WEE2: variants seen among roughly 807,000 people sequenced by gnomAD.
The protein encoded by WEE2 is WEE2 oocyte meiosis inhibiting kinase, also known as wee1-like protein kinase 2.
Under a neutral mutation model 60.1 loss-of-function variants are expected in WEE2, and 50 were observed. That is an observed-to-expected ratio of 0.83 (90% CI 0.66 to 1.05). The LOEUF is 1.05. WEE2 is among the 50% of genes least tolerant of loss of function. The pLI is 0.00. For synonymous variants in WEE2, 240 were observed against 241.0 expected (o/e 1.00, Z 0.04); for missense variants, 631 against 684.3 (o/e 0.92, Z 0.87).
chr7:141,712,257 T>TG (rs1307907360), intron 1 of WEE2, among the ~76,000 whole-genome samples: 1 of 152,190 alleles, frequency 6.6e-6, no homozygotes, highest in Non-Finnish European at 1.5e-5. Flanking sequence ...TCATGTTGAC[T>TG]GGGCCTTTAA....
chr7:141,718,997 C>T, intron 3 of WEE2, 75 bp from the exon 4 acceptor site: 1 of 1,458,654 alleles, frequency 6.9e-7, no homozygotes, highest in Non-Finnish European at 9.4e-7. Context: ...CAACTTAGGA[C>T]TGTAATACTG....
chr7:141,729,434 C>A (rs1043263218), intron 10 of WEE2, 97 bp from the exon 11 acceptor site: 1 of 1,539,250 alleles, frequency 6.5e-7, no homozygotes, highest in Admixed American at 1.7e-5. Flanking sequence ...TCTGTAAATA[C>A]TGAAACAAGA....
chr7:141,722,900 T>C (rs1042491333), intron 5 of WEE2, among the ~76,000 whole-genome samples: 1 of 152,222 alleles, frequency 6.6e-6, no homozygotes, highest in African/African-American at 2.4e-5. Flanking sequence ...GGGCAGATAT[T>C]ATGCTTTGTA....
chr7:141,727,022 C>T (rs1799029289), intron 9 of WEE2, among the ~76,000 whole-genome samples: 2 of 152,160 alleles, frequency 1.3e-5, no homozygotes, highest in Admixed American at 1.3e-4. Context: ...TATCGAGAGT[C>T]TTAGTTTTTT....
intron 2 of WEE2, among the ~76,000 whole-genome samples, chr7:141,714,728 G>A (rs894498853): frequency 1.3e-5 from 2 of 152,222 alleles, no homozygotes; most frequent in African/African-American, 4.8e-5. Context: ...TTAATATGAG[G>A]CTGGCAGTTG....
At chr7:141,716,756 G>A (rs1388458295) in intron 3 of WEE2, among the ~76,000 whole-genome samples, 1 of 152,114 alleles carries the variant, frequency 6.6e-6, no homozygotes, top group African/African-American at 2.4e-5. Context: ...GTAGAGAAGT[G>A]AAGGGAAAAT....
At chr7:141,722,243 A>G (rs1798926715) in intron 5 of WEE2, among the ~76,000 whole-genome samples, 1 of 152,172 alleles carries the variant, frequency 6.6e-6, no homozygotes. Context: ...CGTCTCTTCT[A>G]AAAATACAAA....
Position 141,720,971 on chromosome 7 carries a change from G to A in WEE2, c.795G>A (p.Val265=), listed in dbSNP as rs753652243. 1.6e-5 allele frequency: 26 copies of A among 1,614,050 alleles called. No homozygotes were observed. The South Asian group carries it at 2.6e-4, about 16-fold the overall frequency. Residue 265 remains valine, a synonymous_variant, in exon 5 of 12, where the codon GTG becomes GTA. Transcript: ENST00000397541. The part of the protein sequence containing the change: ...SALHEVYAHA[V]LGHHPHVVRY... ...TGCATGAAGTTTATGCTCACGCAGTGCTTGGGCATCACCCCCATGTGGTAC... is the reference window on the plus strand; with the variant it reads ...TGCATGAAGTTTATGCTCACGCAGTACTTGGGCATCACCCCCATGTGGTAC...
rs1563010910 is a variant in WEE2 at position 141,708,811 on chromosome 7, A to C, written c.53A>C (p.Tyr18Ser). 1 of 1,614,144 alleles carries C rather than the reference A, an allele frequency of 6.2e-7. No homozygotes were observed. The highest frequency in any genetic ancestry group is 8.5e-7 in the Non-Finnish European group (1 of 1,180,016). ...CTAAGGCAGAAATTAAACTTTTCCT[A>C]TTGTGAGGAGACTGAGATTGAAGGG... ...KELRQKLNFS[Y>S]CEETEIEGQK... Residue 18 changes from tyrosine to serine, a missense_variant, in exon 1 of 12, where the codon TAT (tyrosine) becomes TCT (serine). By Grantham distance (144) the Tyr-to-Ser change is moderately radical. Coordinates refer to ENST00000397541, the MANE Select transcript of WEE2 (RefSeq NM_001105558.1).
Position 141,730,381 on chromosome 7 carries a change from T to G in WEE2, c.*61T>G. The G allele has an allele frequency of 6.7e-7, 1 of 1,485,022 alleles. No individual in the cohort carries two copies. Among genetic ancestry groups the G allele is most frequent in the South Asian group, 1.2e-5 (1 of 86,346 alleles). 92.0% of individuals were successfully genotyped at this position (1,485,022 alleles called of 1,614,324 possible). ...TGGATTACGAGGTTGCTGTTGCTGATTCCCCACCAAAGATCCCAGGGACTC... is the reference window on the plus strand; with the variant it reads ...TGGATTACGAGGTTGCTGTTGCTGAGTCCCCACCAAAGATCCCAGGGACTC... On this transcript the variant is annotated 3_prime_UTR_variant, in exon 12 of 12. Coordinates refer to ENST00000397541, the MANE Select transcript of WEE2 (RefSeq NM_001105558.1).
intron 10 of WEE2, 113 bp downstream of exon 10, chr7:141,727,559 T>G: frequency 7.3e-7 from 1 of 1,364,004 alleles, no homozygotes; most frequent in Non-Finnish European, 1.0e-6. Flanking sequence ...TTCACCATTA[T>G]AATACATAGG....
rs1216901683 is a variant in WEE2, at chr7:141,723,283, C to T, written c.1027+3C>T. 13 of 1,612,832 alleles carry T rather than the reference C, an allele frequency of 8.1e-6. No individual in the cohort carries two copies. In the Admixed American group the frequency reaches 1.3e-4, roughly 17 times the overall value. ...GGTACACCTGGACATCAAACCTAGTCAGTGTGATTCCCTTCTGCCACTTCT... is the reference window on the plus strand; with the variant it reads ...GGTACACCTGGACATCAAACCTAGTTAGTGTGATTCCCTTCTGCCACTTCT... On this transcript the variant is annotated splice_donor_region_variant and intron_variant, in intron 6 of 11. Coordinates refer to ENST00000397541, the MANE Select transcript of WEE2 (RefSeq NM_001105558.1).
At chr7:141,724,596 T>C (rs1798978250) in intron 8 of WEE2, among the ~76,000 whole-genome samples, 1 of 152,370 alleles carries the variant, frequency 6.6e-6, no homozygotes, top group Admixed American at 6.5e-5. Context: ...CCAATCAATC[T>C]ATCATGCCAT....
At chr7:141,720,662 C>A (rs1798893235) in intron 4 of WEE2, 2 of 399,814 alleles carry the variant, frequency 5.0e-6, no homozygotes, top group Non-Finnish European at 9.0e-6. Flanking sequence ...AAAAAAAAAA[C>A]AATGGACTTT....
In WEE2 at chr7:141,708,696, T is replaced by C. The variant is rs745362147; in HGVS notation, c.-63T>C. 7.1e-6 allele frequency: 10 copies of C among 1,408,908 alleles called. No individual in the cohort carries two copies. The highest frequency in any genetic ancestry group is 8.8e-6 in the Non-Finnish European group (9 of 1,027,876). The allele number at this position is 1,408,908 out of a possible 1,614,324, so 87.3% of individuals were successfully genotyped here. On this transcript the variant is annotated 5_prime_UTR_variant, in exon 1 of 12. Coordinates refer to ENST00000397541, the MANE Select transcript of WEE2 (RefSeq NM_001105558.1). ...AGTTATTTTCTCCTCCCTGCTTCTG[T>C]AGGTTCACAGCGTTCCCTTCTGATA...
intron 3 of WEE2, among the ~76,000 whole-genome samples, chr7:141,718,373 T>C (rs1798845674): frequency 1.3e-5 from 2 of 152,284 alleles, no homozygotes; most frequent in South Asian, 4.1e-4. Flanking sequence ...TATATTCTCA[T>C]GTAATATTTA....
chr7:141,722,410 A>C (rs1413418473), intron 5 of WEE2, among the ~76,000 whole-genome samples: 1 of 152,160 alleles, frequency 6.6e-6, no homozygotes, highest in Non-Finnish European at 1.5e-5. Flanking sequence ...GTCTCAAAAA[A>C]AAAGAAAAAG....
At chr7:141,710,289 G>A (rs112414300) in intron 1 of WEE2, among the ~76,000 whole-genome samples, 9 of 152,290 alleles carry the variant, frequency 5.9e-5, no homozygotes, top group African/African-American at 2.2e-4. Flanking sequence ...GATTCTCAGT[G>A]TGGTGATCAG....
intron 1 of WEE2, 160 bp from the exon 2 acceptor site, chr7:141,714,049 A>G (rs1033221455): frequency 8.8e-6 from 5 of 569,152 alleles, no homozygotes; most frequent in Non-Finnish European, 1.5e-5. Flanking sequence ...TATAGTTTTC[A>G]TAAGAGGAGC....
Sources: gnomAD v4.1 joint callset for allele counts (sites outside exome capture counted in the v4.1 genomes callset) on GRCh38, gnomAD v4.1.1 for gene constraint, MANE v1.5 for transcripts, NCBI Gene and HGNC (gene_info 2026-07-23, HGNC 2026-07-21) for gene names.